ARHGEF10L: variants seen among roughly 807,000 people sequenced by gnomAD.
ARHGEF10L encodes the protein Rho guanine nucleotide exchange factor 10 like.
Under a neutral mutation model 141.2 loss-of-function variants are expected in ARHGEF10L, and 69 were observed. The ratio of observed to expected loss-of-function variants is 0.49; its 90% confidence interval spans 0.40 to 0.60. ARHGEF10L has a LOEUF of 0.60. Among genes scored for constraint, ARHGEF10L ranks in the 20% least tolerant of loss-of-function variants. ARHGEF10L has a pLI of 0.00. For missense variants in ARHGEF10L, 1,482 were observed against 1,734.3 expected, an observed-to-expected ratio of 0.85 and a Z score of 2.58; for synonymous variants, 711 against 718.5, an observed-to-expected ratio of 0.99 and a Z score of 0.17.
At chr1:17,522,214 C>T in the ARHGEF10L span, among the ~76,000 whole-genome samples, 1 of 152,188 alleles carries the variant, frequency 6.6e-6, no homozygotes, top group Non-Finnish European at 1.5e-5. Context: ...TGGAGTGGCA[C>T]CTCACGTGCG....
intron 1 of ARHGEF10L, among the ~76,000 whole-genome samples, chr1:17,579,440 T>G (rs1224545783): frequency 6.6e-6 from 1 of 152,214 alleles, no homozygotes; most frequent in African/African-American, 2.4e-5. Context: ...GAACCCTGGC[T>G]CTTCCTAGCT....
rs536017586 is a variant in ARHGEF10L at position 17,617,805 on chromosome 1, G to A, written c.836-1534G>A. On this transcript the variant is annotated intron_variant, in intron 9 of 28. Coordinates refer to ENST00000361221, the MANE Select transcript of ARHGEF10L (RefSeq NM_018125.4). ...ATGTCCTAGGTAGTATGAGGAGAGA[G>A]AGAGCCCCATGTAGCAGACGTTATT... 2.0e-5 allele frequency among the ~76,000 whole-genome samples: 3 copies of A among 152,282 alleles called. No individual in the cohort carries two copies. The East Asian group carries it at 5.8e-4, about 29-fold the overall frequency.
chr1:17,574,435 G>A (rs1459864004), intron 1 of ARHGEF10L, among the ~76,000 whole-genome samples: 1 of 152,226 alleles, frequency 6.6e-6, no homozygotes, highest in East Asian at 1.9e-4. Context: ...AGAAAATGCT[G>A]TTGGTCCTCA....
At position 17,638,645 on chromosome 1, in the gene ARHGEF10L, C is replaced by T; in HGVS notation, c.2127C>T (p.Ala709=). The T allele has an allele frequency of 6.2e-7, 1 of 1,614,080 alleles. No individual in the cohort carries two copies. ...MRVKEEEIHS[A]NKCRLRLLLP... ...TGAAGGAGGAAGAGATCCACTCGGC[C>T]AACAAGTGCCGTCTCAGGCTCCTGC... is the stretch of plus-strand genomic sequence containing the variant. The change falls in exon 20 of 29, where the codon GCC becomes GCT. Residue 709 remains alanine (A), a synonymous_variant. Transcript: ENST00000361221.
chr1:17,691,711 A>G (rs954203829), intron 27 of ARHGEF10L, among the ~76,000 whole-genome samples: 19 of 151,750 alleles, frequency 1.3e-4, no homozygotes, highest in Admixed American at 2.6e-4. Context: ...ATATGTATAT[A>G]TATATGTGTG....
Position 17,634,604 on chromosome 1 carries a change from C to A in ARHGEF10L, c.1745+42C>A, listed in dbSNP as rs192371211. ...GCTCCGGGGCTCTGGGGCTCTGGGG[C>A]TCTGGGGCTCTGGTGCCATGTGATT... is the stretch of plus-strand genomic sequence containing the variant. On this transcript the variant is annotated intron_variant, in intron 17 of 28. Transcript: ENST00000361221. 3.1e-6 allele frequency: 5 copies of A among 1,608,070 alleles called. No individual in the cohort carries two copies. In the East Asian group the frequency reaches 8.9e-5, roughly 29 times the overall value.
chr1:17,572,199 G>A (rs948286062), intron 1 of ARHGEF10L, among the ~76,000 whole-genome samples: 3 of 152,218 alleles, frequency 2.0e-5, no homozygotes, highest in Non-Finnish European at 4.4e-5. Context: ...GGTGCGGCCT[G>A]GGAGAGACCA....
intron 15 of ARHGEF10L, among the ~76,000 whole-genome samples, 166 bp from the exon 16 acceptor site, chr1:17,632,155 C>T (rs1386139695): frequency 2.0e-5 from 3 of 152,200 alleles, no homozygotes; most frequent in South Asian, 2.1e-4. Flanking sequence ...TCTGGTCTTC[C>T]TCCCCAGTGC....
At position 17,695,269 on chromosome 1, in the gene ARHGEF10L, C is replaced by G. The variant is rs1431098585; in HGVS notation, c.3296C>G (p.Pro1099Arg). The G allele has an allele frequency of 1.9e-6, 3 of 1,587,422 alleles. No individual in the cohort carries two copies. Among genetic ancestry groups the G allele is most frequent in the Non-Finnish European group, 2.6e-6 (3 of 1,167,610 alleles). The change falls in exon 28 of 29, where the codon CCC (proline) becomes CGC (arginine). Residue 1099 changes from proline to arginine, a missense_variant. Coordinates refer to ENST00000361221, the MANE Select transcript of ARHGEF10L (RefSeq NM_018125.4). ...CCCGTGCCTCGGCTGGAAGGCATCC[C>G]CAAGATCACAGGTGAGGCTTTGGGA... ...LLPVPRLEGI[P>R]KITGKGMVSL...
intron 1 of ARHGEF10L, among the ~76,000 whole-genome samples, chr1:17,563,435 A>T (rs557430816): frequency 6.6e-6 from 1 of 152,012 alleles, no homozygotes. Flanking sequence ...GGGTTTCCCC[A>T]TGTTGCCCGG....
the ARHGEF10L span, among the ~76,000 whole-genome samples, chr1:17,532,835 T>A: frequency 1.3e-5 from 2 of 152,094 alleles, no homozygotes; most frequent in Admixed American, 1.3e-4. Context: ...CCTCAGGTGA[T>A]CTGCCTGCCT....
chr1:17,514,543 A>G, the ARHGEF10L span, among the ~76,000 whole-genome samples: 2 of 152,146 alleles, frequency 1.3e-5, no homozygotes, highest in Admixed American at 1.3e-4. Flanking sequence ...TTGGGAGTGG[A>G]ACATGCTTCT....
intron 3 of ARHGEF10L, among the ~76,000 whole-genome samples, chr1:17,587,908 C>A (rs1300669096): frequency 6.6e-6 from 1 of 152,230 alleles, no homozygotes; most frequent in Non-Finnish European, 1.5e-5. Context: ...CAGTTGCTGC[C>A]CAGAGCTTGT....
chr1:17,659,222 C>A (rs2062458534), intron 25 of ARHGEF10L, among the ~76,000 whole-genome samples: 1 of 152,104 alleles, frequency 6.6e-6, no homozygotes. Flanking sequence ...TCACGCTCTC[C>A]CAGTGAACCT....
intron 4 of ARHGEF10L, 44 bp from the exon 5 acceptor site, chr1:17,602,083 G>C: frequency 6.8e-7 from 1 of 1,468,836 alleles, no homozygotes; most frequent in Non-Finnish European, 9.1e-7. Flanking sequence ...AGGCTTCTGG[G>C]AGCCACCTCT....
Position 17,656,639 on chromosome 1 carries a change from C to A in ARHGEF10L, c.2791C>A (p.Arg931=). The A allele has an allele frequency of 6.2e-7, 1 of 1,613,662 alleles. No homozygotes were observed. Among genetic ancestry groups the A allele is most frequent in the Non-Finnish European group, 8.5e-7 (1 of 1,180,016 alleles). Residue 931 remains arginine, a synonymous_variant, in exon 25 of 29, where the codon CGA becomes AGA. Coordinates refer to ENST00000361221, the MANE Select transcript of ARHGEF10L (RefSeq NM_018125.4). This position sits in a 1 kb window ranked among gnomAD's most constrained non-coding sequence, Gnocchi z 4.9. ...SPGLQPVLCL[R]HSPFHLLAGL... ...AGGTCTGCAGCCTGTGCTCTGCCTG[C>A]GACACAGCCCCTTCCACCTGCTCGC...
chr1:17,514,902 AG>A, the ARHGEF10L span, among the ~76,000 whole-genome samples: 1 of 152,134 alleles, frequency 6.6e-6, no homozygotes, highest in Admixed American at 6.6e-5. Context: ...CTCTCGTGCC[AG>A]CGGCCCCGTC....
chr1:17,638,534 G>A, intron 19 of ARHGEF10L, 28 bp from the exon 20 acceptor site: 1 of 1,614,034 alleles, frequency 6.2e-7, no homozygotes. Flanking sequence ...GTGCTGTGTG[G>A]TGACCTCATT....
At chr1:17,564,464 C>G (rs769524127) in intron 1 of ARHGEF10L, among the ~76,000 whole-genome samples, 2 of 152,174 alleles carry the variant, frequency 1.3e-5, no homozygotes, top group Non-Finnish European at 2.9e-5. Flanking sequence ...CCTACTTGCT[C>G]CCATGGGTGG....
Sources: allele counts gnomAD v4.1 joint callset (sites outside exome capture counted in the v4.1 genomes callset), GRCh38; gene constraint gnomAD v4.1.1; non-coding constraint Gnocchi (gnomAD v3.1); transcripts MANE v1.5; gene names NCBI Gene and HGNC (gene_info 2026-07-23, HGNC 2026-07-21).